Variants in CTNNAL1 observed in about 807,000 individuals in gnomAD.
CTNNAL1 encodes catenin alpha like 1.
Under a neutral mutation model 93.6 loss-of-function variants are expected in CTNNAL1, and 69 were observed. The ratio of observed to expected loss-of-function variants is 0.74; its 90% CI spans 0.61 to 0.90. The LOEUF (loss-of-function observed/expected upper bound fraction) is 0.90, where lower values mean the gene tolerates loss of function less well. CTNNAL1 is among the 40% of genes least tolerant of loss of function. The probability of loss-of-function intolerance (pLI) is 0.00; values close to 1 mark genes in which losing one functional copy is unlikely to be tolerated. For synonymous variants in CTNNAL1, 286 were observed against 305.4 expected (o/e 0.94, Z 0.66); for missense variants, 836 against 862.0 (o/e 0.97, Z 0.38).
intron 4 of CTNNAL1, among the ~76,000 whole-genome samples, chr9:108,988,626 C>T (rs1362792979): frequency 6.6e-6 from 1 of 152,230 alleles, no homozygotes; most frequent in Non-Finnish European, 1.5e-5. Flanking sequence ...GGCCTGCCCA[C>T]TACCTCTCTG....
At chr9:108,984,238 T>G in intron 5 of CTNNAL1, 109 bp downstream of exon 5, 2 of 673,282 alleles carry the variant, frequency 3.0e-6, no homozygotes, top group South Asian at 3.7e-5. Flanking sequence ...GCCTATGTTC[T>G]AAGTAATCAC....
intron 3 of CTNNAL1, among the ~76,000 whole-genome samples, 197 bp downstream of exon 3, chr9:108,992,435 G>A (rs895006048): frequency 3.3e-5 from 5 of 151,334 alleles, no homozygotes; most frequent in Non-Finnish European, 5.9e-5. Flanking sequence ...ATAGCCCCGG[G>A]AGGAACCCAG....
intron 11 of CTNNAL1, among the ~76,000 whole-genome samples, chr9:108,960,616 C>T (rs1465905157): frequency 6.6e-6 from 1 of 152,148 alleles, no homozygotes; most frequent in Non-Finnish European, 1.5e-5. Flanking sequence ...AGCTGCATCT[C>T]TATAAACTGA....
intron 10 of CTNNAL1, among the ~76,000 whole-genome samples, chr9:108,969,037 C>A (rs1251855504): frequency 6.6e-6 from 1 of 151,944 alleles, no homozygotes; most frequent in Non-Finnish European, 1.5e-5. Context: ...TTTGGGAGGC[C>A]GAGGCGGGGG....
chr9:108,999,243 A>G lies in CTNNAL1; in HGVS notation c.155T>C (p.Ile52Thr). Residue 52 changes from isoleucine (I) to threonine (T), a missense_variant, in exon 2 of 19, where the codon ATT becomes ACT. Ile to Thr is a moderately conservative substitution (Grantham distance 89, BLOSUM62 -1). Transcript: ENST00000325551. ...LPLVSQITTLINHKDNTKKSD... is the reference protein window; with the variant it reads ...LPLVSQITTLTNHKDNTKKSD... ...CTTTTTGGTATTATCTTTATGATTA[A>G]TAAGCGTGGTGATCTAAAAATAAAA... The G allele has an allele frequency of 6.3e-7, 1 of 1,595,074 alleles. No homozygotes were observed. Among genetic ancestry groups the G allele is most frequent in the Non-Finnish European group, 8.5e-7 (1 of 1,173,110 alleles).
At chr9:108,945,499 T>C (rs868510961) in intron 15 of CTNNAL1, among the ~76,000 whole-genome samples, 21 of 151,348 alleles carry the variant, frequency 1.4e-4, no homozygotes, top group Admixed American at 1.1e-3. Flanking sequence ...TCTCACTCTG[T>C]TGTCCAGAGT....
chr9:109,012,258 C>T (rs1309046346), intron 1 of CTNNAL1, among the ~76,000 whole-genome samples: 1 of 152,228 alleles, frequency 6.6e-6, no homozygotes, highest in Non-Finnish European at 1.5e-5. Context: ...TATGCAACAG[C>T]TACAGGCTCC....
At chr9:108,959,120 G>T (rs1830759467) in intron 11 of CTNNAL1, among the ~76,000 whole-genome samples, 1 of 151,610 alleles carries the variant, frequency 6.6e-6, no homozygotes, top group South Asian at 2.1e-4. Flanking sequence ...AGCTCTTTGG[G>T]AGGCTGAGGC....
intron 2 of CTNNAL1, 85 bp from the exon 3 acceptor site, chr9:108,992,904 A>C (rs1831868978): frequency 7.1e-7 from 1 of 1,399,472 alleles, no homozygotes; most frequent in East Asian, 2.5e-5. Context: ...GTAAGGCACA[A>C]TGAGGAGAAA....
chr9:108,964,956 G>A (rs766286992), intron 11 of CTNNAL1, among the ~76,000 whole-genome samples: 8 of 152,020 alleles, frequency 5.3e-5, no homozygotes, highest in African/African-American at 7.2e-5. Context: ...TCCGCCTCCC[G>A]GGTTCAAGTG....
chr9:109,012,849 C>T (rs1332455675), intron 1 of CTNNAL1, among the ~76,000 whole-genome samples: 3 of 152,178 alleles, frequency 2.0e-5, no homozygotes, highest in African/African-American at 7.2e-5. Flanking sequence ...GCGGAGGAGC[C>T]GGGCTCGGGA....
intron 15 of CTNNAL1, among the ~76,000 whole-genome samples, chr9:108,947,558 A>G (rs1233113489): frequency 6.6e-6 from 1 of 152,210 alleles, no homozygotes; most frequent in Non-Finnish European, 1.5e-5. Context: ...GGGATCAGGG[A>G]AAACATAAAA....
At chr9:108,998,990 A>C (rs1290778537) in intron 2 of CTNNAL1, 77 bp downstream of exon 2, 2 of 1,472,822 alleles carry the variant, frequency 1.4e-6, no homozygotes, top group East Asian at 4.6e-5. Context: ...CTTTATTCCA[A>C]ATAAATCAAT....
chr9:108,970,567 T>C (rs1831085909), intron 9 of CTNNAL1, 73 bp from the exon 10 acceptor site: 1 of 1,296,396 alleles, frequency 7.7e-7, no homozygotes, highest in South Asian at 1.9e-5. Context: ...ATTTTATAAT[T>C]AAAAAGAAAA....
chr9:109,002,842 A>T (rs1181221009), intron 1 of CTNNAL1, among the ~76,000 whole-genome samples: 1 of 151,712 alleles, frequency 6.6e-6, no homozygotes, highest in Non-Finnish European at 1.5e-5. Context: ...AAAAGAAAAA[A>T]GTTAGCCAGG....
At chr9:108,945,825 A>G (rs895604756) in intron 15 of CTNNAL1, among the ~76,000 whole-genome samples, 1 of 152,024 alleles carries the variant, frequency 6.6e-6, no homozygotes, top group Non-Finnish European at 1.5e-5. Flanking sequence ...GAATCTGCAG[A>G]TGCAAAACCT....
intron 9 of CTNNAL1, 124 bp downstream of exon 9, chr9:108,972,551 G>T: frequency 1.2e-6 from 1 of 827,514 alleles, no homozygotes; most frequent in Non-Finnish European, 1.9e-6. Flanking sequence ...ATGCTTTTAA[G>T]ATGCCAAAGG....
chr9:108,978,518 C>G (rs1299178783), intron 7 of CTNNAL1, among the ~76,000 whole-genome samples: 1 of 152,214 alleles, frequency 6.6e-6, no homozygotes, highest in Non-Finnish European at 1.5e-5. Context: ...AAATACTTTT[C>G]TGACAGAGCC....
At chr9:108,953,740 T>C (rs1440432797) in intron 12 of CTNNAL1, among the ~76,000 whole-genome samples, 1 of 152,176 alleles carries the variant, frequency 6.6e-6, no homozygotes, top group Admixed American at 6.5e-5. Flanking sequence ...TTTCTAATGA[T>C]GTTTACTATT....
Sources: gnomAD v4.1 joint callset for allele counts (sites outside exome capture counted in the v4.1 genomes callset) on GRCh38, gnomAD v4.1.1 for gene constraint, MANE v1.5 for transcripts, NCBI Gene and HGNC (gene_info 2026-07-23, HGNC 2026-07-21) for gene names.